The following FLNB variants were observed in gnomAD, a reference collection of about 807,000 sequenced individuals.
The protein encoded by FLNB is filamin B.
A neutral mutation model predicts 250.6 loss-of-function variants in FLNB; 111 were observed. The observed-to-expected ratio is 0.44, with a 90% CI of 0.38 to 0.52. FLNB has a LOEUF of 0.52. FLNB is among the 20% of genes least tolerant of loss of function. The pLI, the probability that FLNB is intolerant of heterozygous loss-of-function variation, is 0.00. For synonymous variants in FLNB, 1,302 were observed against 1,372.1 expected (o/e 0.95, Z 1.13); for missense variants, 2,869 against 3,447.8 (o/e 0.83, Z 4.20).
Position 58,024,701 on chromosome 3 carries a change from C to CTTTTTTTTT in FLNB, c.292+15864_292+15872dup, listed in dbSNP as rs1174805764. ...ATTTCTGGTCTTCTGGCCAAGCCTCCTTTTTTTTTTTTTTTTTTTTTTTTT... is the reference window on the plus strand; with the variant it reads ...ATTTCTGGTCTTCTGGCCAAGCCTCCTTTTTTTTTTTTTTTTTTTTTTTTTTTTTTTTTT... On this transcript the variant is annotated intron_variant, in intron 1 of 45. Transcript: ENST00000295956. 1.2e-3 allele frequency among the ~76,000 whole-genome samples: 99 copies of CTTTTTTTTT among 83,760 alleles called. 12 individuals are homozygous for CTTTTTTTTT. Among genetic ancestry groups the CTTTTTTTTT allele is most frequent in the African/African-American group, 1.9e-3 (43 of 22,454 alleles). The allele number at this position is 83,760 out of a possible 152,430, so 54.9% of individuals were successfully genotyped here. A position where few individuals can be genotyped will look rare whatever the true frequency, so the allele number is the denominator to read the frequency against.
chr3:58,113,033 G>A (rs1204381852), intron 18 of FLNB, among the ~76,000 whole-genome samples: 4 of 151,948 alleles, frequency 2.6e-5, no homozygotes, highest in African/African-American at 4.8e-5. Flanking sequence ...AATTTGTATC[G>A]TGGTAAAATA....
chr3:58,096,901 C>T (rs955749068), intron 6 of FLNB, among the ~76,000 whole-genome samples: 1 of 152,152 alleles, frequency 6.6e-6, no homozygotes, highest in African/African-American at 2.4e-5. Flanking sequence ...AGTAGTTCAG[C>T]TGAATATAGT....
chr3:58,097,931 A>AG lies in FLNB; in HGVS notation c.1104dup (p.Asn369GlufsTer5). ...CAAAAGGTCCAGGGTTGGAAGCTGTAGGGAACATCGCCAATAAGCCCACCT... is the reference window on the plus strand; with the variant it reads ...CAAAAGGTCCAGGGTTGGAAGCTGTAGGGGAACATCGCCAATAAGCCCACCT... On this transcript the variant is annotated frameshift_variant, in exon 7 of 46. Coordinates refer to ENST00000295956, the MANE Select transcript of FLNB (RefSeq NM_001457.4). LOFTEE classifies it high-confidence loss of function. The AG allele has an allele frequency of 1.2e-6, 2 of 1,614,194 alleles. No homozygotes were observed. Among genetic ancestry groups the AG allele is most frequent in the Non-Finnish European group, 8.5e-7 (1 of 1,180,010 alleles).
chr3:58,055,935 T>G (rs1242118312), intron 1 of FLNB, among the ~76,000 whole-genome samples: 1 of 152,100 alleles, frequency 6.6e-6, no homozygotes, highest in Non-Finnish European at 1.5e-5. Context: ...AGCAATGGCA[T>G]AAAGGATAGT....
intron 1 of FLNB, among the ~76,000 whole-genome samples, chr3:58,067,824 C>T (rs958926047): frequency 2.0e-5 from 3 of 152,128 alleles, no homozygotes; most frequent in Admixed American, 6.5e-5. Flanking sequence ...ATCCGCCCAC[C>T]TCCGCCTCCC....
intron 17 of FLNB, 45 bp downstream of exon 17, chr3:58,111,926 G>T: frequency 6.7e-7 from 1 of 1,484,212 alleles, no homozygotes; most frequent in South Asian, 1.1e-5. Flanking sequence ...CTGCCAGCCG[G>T]TGGCACTGGG....
intron 1 of FLNB, among the ~76,000 whole-genome samples, chr3:58,032,774 A>G (rs1400990607): frequency 6.6e-6 from 1 of 152,108 alleles, no homozygotes; most frequent in Non-Finnish European, 1.5e-5. Context: ...ATTTTTGAAA[A>G]ACTGCTTTAT....
At chr3:58,048,722 A>C (rs1415491062) in intron 1 of FLNB, among the ~76,000 whole-genome samples, 4 of 152,194 alleles carry the variant, frequency 2.6e-5, no homozygotes, top group Non-Finnish European at 5.9e-5. Context: ...AGCAGTTTTC[A>C]CTCATTGGTG....
At chr3:58,034,009 T>G (rs985217910) in intron 1 of FLNB, among the ~76,000 whole-genome samples, 6 of 151,966 alleles carry the variant, frequency 3.9e-5, no homozygotes, top group Non-Finnish European at 8.8e-5. Flanking sequence ...TACAGGCATT[T>G]GCCACCACAC....
In FLNB at chr3:58,170,822, T is replaced by G. The variant is rs970742537; in HGVS notation, c.*60T>G. On this transcript the variant is annotated 3_prime_UTR_variant, in exon 46 of 46. Transcript: ENST00000295956. ...GGTTGCTTTTGTTGCTTGTTTGTAA[T>G]TCATTTTATACAAAGCCCTCCAGCC... 62 of 1,502,668 alleles carry G rather than the reference T, an allele frequency of 4.1e-5. No homozygotes were observed. In the Middle Eastern group the frequency reaches 6.6e-4, roughly 16 times the overall value. The allele number at this position is 1,502,668 out of a possible 1,614,324, so 93.1% of individuals were successfully genotyped here.
At chr3:58,166,555 T>G (rs749431584) in intron 43 of FLNB, among the ~76,000 whole-genome samples, 5 of 152,194 alleles carry the variant, frequency 3.3e-5, no homozygotes, top group Non-Finnish European at 7.3e-5. Context: ...GCACAGTGGC[T>G]CACACCTGTA....
At chr3:58,097,030 G>C (rs1258414171) in intron 6 of FLNB, among the ~76,000 whole-genome samples, 1 of 152,226 alleles carries the variant, frequency 6.6e-6, no homozygotes, top group Non-Finnish European at 1.5e-5. Context: ...TATAGGGCAA[G>C]GGCTGAGAGA....
Position 58,124,422 on chromosome 3 carries a change from A to G in FLNB, c.3815A>G (p.Asn1272Ser), listed in dbSNP as rs1341761710. 4 of 1,613,976 alleles carry G rather than the reference A, an allele frequency of 2.5e-6. No homozygotes were observed. The highest frequency in any genetic ancestry group is 2.5e-6 in the Non-Finnish European group (3 of 1,179,968). ...GACCACATCAAGGCCCACATTGCCAACCCCTCAGGGGCCTCCACCGAGTGC... is the reference window on the plus strand; with the variant it reads ...GACCACATCAAGGCCCACATTGCCAGCCCCTCAGGGGCCTCCACCGAGTGC... ...GGDHIKAHIA[N>S]PSGASTECFV... Residue 1272 changes from asparagine (N) to serine (S), a missense_variant, in exon 22 of 46, where the codon AAC becomes AGC. By Grantham distance (46) the Asn-to-Ser change is conservative (BLOSUM62 1). This residue lies in a region of FLNB where 1,348 missense variants were observed against 1,466.7 expected (regional missense o/e 0.92). Coordinates refer to ENST00000295956, the MANE Select transcript of FLNB (RefSeq NM_001457.4).
chr3:58,170,517 C>CT, intron 45 of FLNB, 58 bp from the exon 46 acceptor site: 2 of 1,559,242 alleles, frequency 1.3e-6, no homozygotes, highest in South Asian at 2.3e-5. Flanking sequence ...CATATTTCCT[C>CT]TTCTTCCTGT....
In FLNB at chr3:58,136,139, C is replaced by T. The variant is rs547507630; in HGVS notation, c.4832C>T (p.Thr1611Met). The change falls in exon 28 of 46, where the codon ACG becomes ATG. Residue 1611 changes from threonine (T) to methionine (M), a missense_variant. By Grantham distance (81) the Thr-to-Met change is moderately conservative. Around this residue, in one of 5 missense-constraint regions of FLNB, gnomAD observed 126 missense variants for 182.0 expected, o/e 0.69. Coordinates refer to ENST00000295956, the MANE Select transcript of FLNB (RefSeq NM_001457.4). ...LSPYRIRATQ[T>M]GDASKCLATG... ...CCTTATCGCATCCGAGCCACACAGA[C>T]GGGTGATGCCAGCAAGTGCCTGGCC... 51 of 1,614,196 alleles carry T rather than the reference C, an allele frequency of 3.2e-5. No individual in the cohort carries two copies. The Middle Eastern group carries it at 4.9e-4, about 16-fold the overall frequency.
intron 1 of FLNB, among the ~76,000 whole-genome samples, chr3:58,062,454 C>T (rs1045504822): frequency 6.6e-6 from 1 of 152,190 alleles, no homozygotes; most frequent in African/African-American, 2.4e-5. Context: ...CCTCCCTCCC[C>T]CCACCAGTTG....
intron 1 of FLNB, among the ~76,000 whole-genome samples, chr3:58,060,042 C>T (rs972795278): frequency 3.3e-5 from 5 of 152,206 alleles, no homozygotes; most frequent in Non-Finnish European, 7.3e-5. Context: ...AGCAGTTCCT[C>T]ATAAAGCAGC....
chr3:58,121,269 C>G lies in FLNB; in HGVS notation c.2892C>G (p.Phe964Leu), dbSNP rs779195648. The part of the protein sequence containing the change: ...NRVEVGKDQE[F>L]TVDTRGAGGQ... Reference sequence around the variant, plus strand: ...TGGAAGTTGGGAAGGATCAGGAGTTCACCGTTGATACCAGGGGGGCAGGAG... The same window carrying G: ...TGGAAGTTGGGAAGGATCAGGAGTTGACCGTTGATACCAGGGGGGCAGGAG... Residue 964 changes from phenylalanine to leucine, a missense_variant, in exon 20 of 46, where the codon TTC (phenylalanine) becomes TTG (leucine). By Grantham distance (22) the Phe-to-Leu change is conservative. Around this residue, in one of 5 missense-constraint regions of FLNB, gnomAD observed 1,348 missense variants for 1,466.7 expected, o/e 0.92. Transcript: ENST00000295956. The G allele has an allele frequency of 1.9e-6, 3 of 1,614,032 alleles. No homozygotes were observed. In the African/African-American group the frequency reaches 4.0e-5, roughly 22 times the overall value.
At chr3:58,018,373 T>G (rs1355868497) in intron 1 of FLNB, among the ~76,000 whole-genome samples, 1 of 144,606 alleles carries the variant, frequency 6.9e-6, no homozygotes, top group Non-Finnish European at 1.5e-5. Flanking sequence ...TTTTGCTTTG[T>G]CACCAGGCTG....
Sources: allele counts gnomAD v4.1 joint callset (sites outside exome capture counted in the v4.1 genomes callset), GRCh38; gene constraint gnomAD v4.1.1; regional missense constraint gnomAD v4.1.1; transcripts MANE v1.5; gene names NCBI Gene and HGNC (gene_info 2026-07-23, HGNC 2026-07-21).